IL1RL2: variants seen among roughly 807,000 people sequenced by gnomAD.
IL1RL2 encodes interleukin 1 receptor like 2.
In IL1RL2, 68 loss-of-function variants were observed where a neutral mutation model predicts 66.8. The ratio of observed to expected loss-of-function variants is 1.02; its 90% CI spans 0.84 to 1.25. The LOEUF (loss-of-function observed/expected upper bound fraction) is 1.25, where lower values mean the gene tolerates loss of function less well. Among genes scored for constraint, IL1RL2 ranks in the 50% most tolerant of loss-of-function variants. The pLI, the probability that IL1RL2 is intolerant of heterozygous loss-of-function variation, is 0.00. For synonymous variants in IL1RL2, 305 were observed against 264.6 expected, an observed-to-expected ratio of 1.15 and a Z score of -1.48; for missense variants, 729 against 709.3, an observed-to-expected ratio of 1.03 and a Z score of -0.32.
intron 1 of IL1RL2, 70 bp downstream of exon 1, chr2:102,187,156 G>A (rs1348962863): frequency 7.9e-7 from 1 of 1,270,278 alleles, no homozygotes; most frequent in African/African-American, 1.5e-5. Flanking sequence ...GAGGTGTGCA[G>A]GAAAAGACGT....
chr2:102,227,452 C>T (rs1385599352), intron 9 of IL1RL2, among the ~76,000 whole-genome samples: 1 of 152,178 alleles, frequency 6.6e-6, no homozygotes. Flanking sequence ...GAATTAGCAA[C>T]CCTGAGCAAT....
At chr2:102,199,132 T>A (rs1688023577) in intron 4 of IL1RL2, among the ~76,000 whole-genome samples, 1 of 152,256 alleles carries the variant, frequency 6.6e-6, no homozygotes, top group South Asian at 2.1e-4. Context: ...AATTGTTTTT[T>A]GTTTTTTACT....
rs35208716 is a variant in IL1RL2, at chr2:102,200,117, C to CAAA, written c.490-1419_490-1417dup. ...CGACAGAGCTAAGACCCTGTTCCAG[C>CAAA]AAAAAAAAAAAAAAAAAAAAAAGTG... On this transcript the variant is annotated intron_variant, in intron 4 of 11. Transcript: ENST00000264257. 1.2e-3 allele frequency among the ~76,000 whole-genome samples: 110 copies of CAAA among 95,020 alleles called. 1 individual carries two copies. Among genetic ancestry groups the CAAA allele is most frequent in the Non-Finnish European group, 1.4e-3 (70 of 48,562 alleles). The allele number at this position is 95,020 out of a possible 152,430, so 62.3% of individuals were successfully genotyped here.
At chr2:102,229,986 G>A (rs985788932) in intron 9 of IL1RL2, among the ~76,000 whole-genome samples, 1 of 152,144 alleles carries the variant, frequency 6.6e-6, no homozygotes, top group Non-Finnish European at 1.5e-5. Flanking sequence ...AGAAACAGTA[G>A]GAAAAAAGAG....
chr2:102,215,612 G>A (rs1265848673), intron 6 of IL1RL2, among the ~76,000 whole-genome samples: 1 of 151,862 alleles, frequency 6.6e-6, no homozygotes, highest in Non-Finnish European at 1.5e-5. Context: ...CTGGCAAGAC[G>A]ACACCCCTTT....
In IL1RL2 at chr2:102,239,509, G is replaced by A; in HGVS notation, c.*268G>A. On this transcript the variant is annotated 3_prime_UTR_variant, in exon 12 of 12. Coordinates refer to ENST00000264257, the MANE Select transcript of IL1RL2 (RefSeq NM_003854.4). Reference sequence around the variant, plus strand: ...TCATGGAGGGTGAGGGCTGGTCGGGGGAGGCATCCCCAAGTCATGGTGGGT... The same window carrying A: ...TCATGGAGGGTGAGGGCTGGTCGGGAGAGGCATCCCCAAGTCATGGTGGGT... 1 of 391,956 alleles carries A rather than the reference G, an allele frequency of 2.6e-6. No homozygotes were observed. The allele number at this position is 391,956 out of a possible 1,614,324, so 24.3% of individuals were successfully genotyped here.
intron 11 of IL1RL2, among the ~76,000 whole-genome samples, chr2:102,237,622 C>T (rs868827895): frequency 6.6e-6 from 1 of 152,184 alleles, no homozygotes; most frequent in Non-Finnish European, 1.5e-5. Flanking sequence ...TAACGACTCT[C>T]ATGTTGGAGA....
chr2:102,204,030 C>CTT (rs1688492488), intron 5 of IL1RL2, among the ~76,000 whole-genome samples: 1 of 151,948 alleles, frequency 6.6e-6, no homozygotes, highest in African/African-American at 2.4e-5. Flanking sequence ...TAGCTATAAA[C>CTT]TTTTCTCTGA....
At chr2:102,220,073 A>C in intron 8 of IL1RL2, 56 bp downstream of exon 8, 1 of 1,483,680 alleles carries the variant, frequency 6.7e-7, no homozygotes, top group Non-Finnish European at 9.2e-7. Flanking sequence ...TGGCCAGGAA[A>C]CACATCTGAA....
At chr2:102,199,629 A>T (rs1384299636) in intron 4 of IL1RL2, among the ~76,000 whole-genome samples, 1 of 152,204 alleles carries the variant, frequency 6.6e-6, no homozygotes, top group Non-Finnish European at 1.5e-5. Context: ...GTTCCAGTGG[A>T]TCAGAATAGA....
intron 4 of IL1RL2, among the ~76,000 whole-genome samples, chr2:102,195,713 C>CTTTTTT (rs375355881): frequency 2.0e-5 from 2 of 99,950 alleles, no homozygotes; most frequent in Non-Finnish European, 4.3e-5. Context: ...TTCTTTCTTT[C>CTTTTTT]TTTTTTTTTT....
chr2:102,231,574 T>C (rs557496000), intron 9 of IL1RL2, among the ~76,000 whole-genome samples: 22 of 152,146 alleles, frequency 1.4e-4, no homozygotes, highest in South Asian at 8.3e-4. Flanking sequence ...GTTTTTTTTT[T>C]CAAGAACTCC....
intron 9 of IL1RL2, 22 bp from the exon 10 acceptor site, chr2:102,232,941 A>G (rs762572607): frequency 6.9e-6 from 11 of 1,598,318 alleles, no homozygotes; most frequent in Middle Eastern, 1.7e-4. Flanking sequence ...CAATTCCACA[A>G]GCTTGTCCAA....
At chr2:102,191,575 TGG>T in intron 3 of IL1RL2, among the ~76,000 whole-genome samples, 1 of 152,234 alleles carries the variant, frequency 6.6e-6, no homozygotes, top group Non-Finnish European at 1.5e-5. Context: ...CCTCCTTCAT[TGG>T]GGTTTGTCAG....
chr2:102,235,411 G>C, intron 11 of IL1RL2, 134 bp downstream of exon 11: 1 of 1,464,358 alleles, frequency 6.8e-7, no homozygotes, highest in Middle Eastern at 2.5e-4. Flanking sequence ...GTACTAGTGA[G>C]AGGATCTGTT....
In IL1RL2 at chr2:102,191,316, T is replaced by C. The variant is rs1243987086; in HGVS notation, c.294-609T>C. 3.9e-5 allele frequency among the ~76,000 whole-genome samples: 6 copies of C among 152,340 alleles called. No individual in the cohort carries two copies. In the East Asian group the frequency reaches 7.7e-4, roughly 20 times the overall value. On this transcript the variant is annotated intron_variant, in intron 3 of 11. Transcript: ENST00000264257. Reference sequence around the variant, plus strand: ...TTCTTACATAATCATAGTATAGTTATCAAATTCAGGAAACTTAAACATCAT... The same window carrying C: ...TTCTTACATAATCATAGTATAGTTACCAAATTCAGGAAACTTAAACATCAT...
chr2:102,195,631 C>T (rs200954571), intron 4 of IL1RL2, among the ~76,000 whole-genome samples: 2,165 of 23,868 alleles, frequency 0.091, 69 homozygotes, highest in East Asian at 0.15. Context: ...CTTTCTTTCT[C>T]TCTCTCTCTC....
intron 4 of IL1RL2, among the ~76,000 whole-genome samples, chr2:102,195,605 CTTTCTT>C (rs1338835476): frequency 2.8e-4 from 5 of 17,848 alleles, no homozygotes; most frequent in Non-Finnish European, 5.1e-4. Context: ...TTCTTTCTTT[CTTTCTT>C]TCTTTCTTTC....
downstream of IL1RL2, among the ~76,000 whole-genome samples, chr2:102,242,488 G>A (rs182602161): frequency 6.6e-6 from 1 of 152,306 alleles, no homozygotes; most frequent in East Asian, 1.9e-4. Context: ...TTTAGTTGGA[G>A]TCCAACACCC....
Sources: allele counts gnomAD v4.1 joint callset (sites outside exome capture counted in the v4.1 genomes callset), GRCh38; gene constraint gnomAD v4.1.1; transcripts MANE v1.5; gene names NCBI Gene and HGNC (gene_info 2026-07-23, HGNC 2026-07-21).